The following FGL1 variants were observed in gnomAD, a reference collection of about 807,000 sequenced individuals.
FGL1 encodes fibrinogen-like protein 1.
A neutral mutation model predicts 43.7 loss-of-function variants in FGL1; 59 were observed. The ratio of observed to expected loss-of-function variants is 1.35; its 90% confidence interval spans 1.10 to 1.68. FGL1 has a LOEUF of 1.68. Ranked by LOEUF, FGL1 falls within the 40% of genes most tolerant of loss-of-function variation. FGL1 has a pLI of 0.00. For missense variants in FGL1, 596 were observed against 373.0 expected, an observed-to-expected ratio of 1.60 and a Z score of -4.92; for synonymous variants, 192 against 126.5, an observed-to-expected ratio of 1.52 and a Z score of -3.48.
intron 1 of FGL1, among the ~76,000 whole-genome samples, chr8:17,890,561 A>G (rs1392945963): frequency 6.6e-6 from 1 of 152,140 alleles, no homozygotes; most frequent in Non-Finnish European, 1.5e-5. Context: ...TTCCCTTCCC[A>G]GAGATACCTT....
At chr8:17,868,453 A>C (rs1449225332) in intron 7 of FGL1, 95 bp downstream of exon 7, 2 of 909,524 alleles carry the variant, frequency 2.2e-6, no homozygotes, top group South Asian at 3.3e-5. Flanking sequence ...ATTATAAATA[A>C]AGACTAACAT....
Sources: allele counts gnomAD v4.1 joint callset (sites outside exome capture counted in the v4.1 genomes callset), GRCh38; gene constraint gnomAD v4.1.1; transcripts MANE v1.5; gene names NCBI Gene and HGNC (gene_info 2026-07-23, HGNC 2026-07-21).